CLDN16: variants seen among roughly 807,000 people sequenced by gnomAD.
CLDN16 encodes claudin 16, also known as claudin-16.
A neutral mutation model predicts 24.6 loss-of-function variants in CLDN16; 13 were observed. The ratio of observed to expected loss-of-function variants is 0.53; its 90% CI spans 0.34 to 0.84. The LOEUF (loss-of-function observed/expected upper bound fraction) is 0.84, where lower values mean the gene tolerates loss of function less well. Among genes scored for constraint, CLDN16 ranks in the 40% least tolerant of loss-of-function variants. CLDN16 has a pLI of 0.01. For missense variants in CLDN16, 298 were observed against 292.7 expected, an observed-to-expected ratio of 1.02 and a Z score of -0.13; for synonymous variants, 116 against 106.7, an observed-to-expected ratio of 1.09 and a Z score of -0.54.
chr3:190,394,595 C>G (rs896161960), intron 1 of CLDN16, among the ~76,000 whole-genome samples: 1 of 152,076 alleles, frequency 6.6e-6, no homozygotes, highest in African/African-American at 2.4e-5. Flanking sequence ...CAAATGTTCT[C>G]TTATTTATCT....
chr3:190,371,632 A>G (rs1490170727), intron 2 of CLDN16, among the ~76,000 whole-genome samples: 1 of 151,966 alleles, frequency 6.6e-6, no homozygotes, highest in East Asian at 1.9e-4. Context: ...AGTCAGATCT[A>G]TGAAGTAGTG....
intron 1 of CLDN16, among the ~76,000 whole-genome samples, chr3:190,335,693 A>G (rs1717288023): frequency 7.4e-6 from 1 of 134,608 alleles, no homozygotes; most frequent in Admixed American, 8.1e-5. Flanking sequence ...GCCTGGTGAC[A>G]GAGCAAGACT....
At position 190,410,164 on chromosome 3, in the gene CLDN16, T is replaced by C; in HGVS notation, c.*128T>C. On this transcript the variant is annotated 3_prime_UTR_variant, in exon 5 of 5. Transcript: ENST00000264734. The stretch of plus-strand genomic sequence containing the variant: ...TGAATTAAATTAATTGCTAGCTTAA[T>C]CAAAATGTTTGATTCTCCTATACTT... 1 of 1,102,954 alleles carries C rather than the reference T, an allele frequency of 9.1e-7. No homozygotes were observed. The highest frequency in any genetic ancestry group is 1.4e-6 in the Non-Finnish European group (1 of 735,120). The allele number at this position is 1,102,954 out of a possible 1,614,324, so 68.3% of individuals were successfully genotyped here.
intron 1 of CLDN16, among the ~76,000 whole-genome samples, chr3:190,341,162 C>G (rs1188871391): frequency 6.6e-6 from 1 of 152,176 alleles, no homozygotes; most frequent in Non-Finnish European, 1.5e-5. Flanking sequence ...GATGATGGCC[C>G]TCTTTTCACA....
chr3:190,350,750 A>G (rs1305558804), intron 1 of CLDN16, among the ~76,000 whole-genome samples: 2 of 152,186 alleles, frequency 1.3e-5, no homozygotes, highest in African/African-American at 4.8e-5. Context: ...TATCTGACCA[A>G]TGACTGAGTA....
Position 190,410,602 on chromosome 3 carries a change from G to C in CLDN16, c.*566G>C, listed in dbSNP as rs1345662272. On this transcript the variant is annotated 3_prime_UTR_variant, in exon 5 of 5. Coordinates refer to ENST00000264734, the MANE Select transcript of CLDN16 (RefSeq NM_006580.4). ...ACAACTTCGTATACCAGCCACTGGT[G>C]AGAGTTAAAGACAAGAGCTGCCCCC... The C allele has an allele frequency of 3.3e-5, 5 of 152,912 alleles. No homozygotes were observed. The highest frequency in any genetic ancestry group is 7.3e-5 in the Non-Finnish European group (5 of 68,600). 9.5% of individuals were successfully genotyped at this position (152,912 alleles called of 1,614,324 possible). A position where few individuals can be genotyped will look rare whatever the true frequency, so the allele number is the denominator to read the frequency against.
chr3:190,297,518 G>GTA, the CLDN16 span, among the ~76,000 whole-genome samples: 30 of 137,016 alleles, frequency 2.2e-4, no homozygotes, highest in Non-Finnish European at 3.7e-4. Flanking sequence ...ATATAGATAT[G>GTA]TATATATATA....
At chr3:190,405,343 C>G (rs1001079257) in intron 3 of CLDN16, among the ~76,000 whole-genome samples, 1 of 147,372 alleles carries the variant, frequency 6.8e-6, no homozygotes, top group African/African-American at 2.5e-5. Flanking sequence ...GAGAATCGCT[C>G]GAACCCAGGA....
At chr3:190,304,998 T>C in the CLDN16 span, among the ~76,000 whole-genome samples, 3 of 152,238 alleles carry the variant, frequency 2.0e-5, no homozygotes, top group Admixed American at 6.5e-5. Context: ...AGATACTTTA[T>C]TGCCTTTCAA....
intron 3 of CLDN16, among the ~76,000 whole-genome samples, chr3:190,382,845 G>A (rs1718401499): frequency 1.3e-5 from 2 of 152,030 alleles, no homozygotes; most frequent in Non-Finnish European, 2.9e-5. Flanking sequence ...TTGCCAGATA[G>A]TTGCCGATCT....
At chr3:190,306,753 T>G in the CLDN16 span, 2 of 152,634 alleles carry the variant, frequency 1.3e-5, no homozygotes, top group African/African-American at 4.8e-5. Context: ...GTTGTTAAAA[T>G]GGAACAGAGC....
chr3:190,308,507 G>GA, the CLDN16 span: 26 of 1,429,670 alleles, frequency 1.8e-5, no homozygotes, highest in South Asian at 2.4e-5. Flanking sequence ...ATAATAAAAG[G>GA]AAAAAAAATC....
intron 3 of CLDN16, among the ~76,000 whole-genome samples, chr3:190,377,148 A>G (rs1482653990): frequency 1.3e-5 from 2 of 151,952 alleles, no homozygotes; most frequent in Non-Finnish European, 2.9e-5. Context: ...AACAGGGTAC[A>G]TATTAGGGAT....
chr3:190,330,335 T>C (rs1448497285), intron 1 of CLDN16, among the ~76,000 whole-genome samples: 1 of 152,226 alleles, frequency 6.6e-6, no homozygotes, highest in Non-Finnish European at 1.5e-5. Context: ...TTGTGATCCA[T>C]GTTCTAACTG....
intron 1 of CLDN16, among the ~76,000 whole-genome samples, chr3:190,333,664 C>T (rs1405363386): frequency 6.6e-6 from 1 of 152,062 alleles, no homozygotes; most frequent in Non-Finnish European, 1.5e-5. Flanking sequence ...GTGCATGCCA[C>T]ACTTACTAAA....
chr3:190,350,246 C>T (rs576890363), intron 1 of CLDN16, among the ~76,000 whole-genome samples: 22 of 151,756 alleles, frequency 1.4e-4, no homozygotes, highest in African/African-American at 4.6e-4. Context: ...TTATTCCCTG[C>T]GTAAAGCTCT....
rs112723277 is a variant in CLDN16, at chr3:190,364,711, C to G, written n.122-6182C>G. On this transcript the variant is annotated intron_variant and non_coding_transcript_variant, in intron 1 of 4. Coordinates refer to the CLDN16 transcript ENST00000468220. ...TGCAGTCTAGAACTTTCGAAGAGCC[C>G]TTTATCGTGCTGGGTCCACTCAAAG... 4.6e-5 allele frequency among the ~76,000 whole-genome samples: 7 copies of G among 151,994 alleles called. 1 individual carries two copies. The highest frequency in any genetic ancestry group is 2.0e-4 in the Admixed American group (3 of 15,258).
At chr3:190,358,227 G>T (rs1457158035) in intron 1 of CLDN16, among the ~76,000 whole-genome samples, 1 of 151,688 alleles carries the variant, frequency 6.6e-6, no homozygotes, top group African/African-American at 2.4e-5. Context: ...TCAAATTTCT[G>T]TAAGCCCAGA....
At chr3:190,297,543 AT>A in the CLDN16 span, among the ~76,000 whole-genome samples, 1 of 141,708 alleles carries the variant, frequency 7.1e-6, no homozygotes, top group Non-Finnish European at 1.5e-5. Context: ...AGATATATAG[AT>A]AATAATATAG....
Sources: gnomAD v4.1 joint callset for allele counts (sites outside exome capture counted in the v4.1 genomes callset) on GRCh38, gnomAD v4.1.1 for gene constraint, MANE v1.5 for transcripts, NCBI Gene and HGNC (gene_info 2026-07-23, HGNC 2026-07-21) for gene names.